DENND4A: variants seen among roughly 807,000 people sequenced by gnomAD.
DENND4A encodes DENN domain containing 4A.
DENND4A carries 70 observed loss-of-function variants against 199.3 expected under a neutral mutation model. The observed-to-expected ratio is 0.35, with a 90% confidence interval of 0.29 to 0.43. The LOEUF (loss-of-function observed/expected upper bound fraction) is 0.43, where lower values mean the gene tolerates loss of function less well. Among genes scored for constraint, DENND4A ranks in the 20% least tolerant of loss-of-function variants. The pLI, the probability that DENND4A is intolerant of heterozygous loss-of-function variation, is 1.00. For synonymous variants in DENND4A, 686 were observed against 766.9 expected, an observed-to-expected ratio of 0.89 and a Z score of 1.74; for missense variants, 1,723 against 2,255.8, an observed-to-expected ratio of 0.76 and a Z score of 4.78.
rs138836303 is a variant in DENND4A, at chr15:65,743,418, G to A, written c.562-1634C>T. Among the ~76,000 whole-genome samples the A allele has an allele frequency of 1.3e-3, 195 of 152,228 alleles. 1 individual carries two copies. The highest frequency in any genetic ancestry group is 4.6e-3 in the African/African-American group (192 of 41,528). On this transcript the variant is annotated intron_variant, in intron 4 of 32. Coordinates refer to ENST00000443035, the MANE Select transcript of DENND4A (RefSeq NM_001320835.1). Reference sequence around the variant, plus strand: ...TATATTTCAAACATTCTTTGCCTGTGATATCTGAATGATTAACTTCCTTAC... The same window carrying A: ...TATATTTCAAACATTCTTTGCCTGTAATATCTGAATGATTAACTTCCTTAC...
intron 14 of DENND4A, among the ~76,000 whole-genome samples, chr15:65,710,097 A>T (rs1440763685): frequency 6.6e-6 from 1 of 152,212 alleles, no homozygotes; most frequent in Non-Finnish European, 1.5e-5. Context: ...CCTAGACAAC[A>T]TAATGTATTA....
Position 65,660,440 on chromosome 15 carries a change from C to G in DENND4A, c.*1411G>C. 1 of 669,412 alleles carries G rather than the reference C, an allele frequency of 1.5e-6. No individual in the cohort carries two copies. Among genetic ancestry groups the G allele is most frequent in the Non-Finnish European group, 2.5e-6 (1 of 406,538 alleles). The allele number at this position is 669,412 out of a possible 1,614,324, so 41.5% of individuals were successfully genotyped here. On this transcript the variant is annotated 3_prime_UTR_variant, in exon 33 of 33. Transcript: ENST00000443035. The stretch of plus-strand genomic sequence containing the variant: ...CTGGCTTTATACACCTAATTTGGGA[C>G]TATCCATTTTTTCCTTCTTTAAAGC...
chr15:65,702,576 G>A (rs2074912210), intron 16 of DENND4A, 65 bp from the exon 17 acceptor site: 1 of 1,296,112 alleles, frequency 7.7e-7, no homozygotes, highest in Non-Finnish European at 1.1e-6. Flanking sequence ...TTAACTGAGT[G>A]CTAAACAAGT....
chr15:65,737,402 T>C (rs939142193), intron 7 of DENND4A, among the ~76,000 whole-genome samples: 22 of 152,262 alleles, frequency 1.4e-4, no homozygotes, highest in African/African-American at 5.1e-4. Context: ...ATTTAAATTA[T>C]ATGTAAAATA....
chr15:65,759,478 GA>G (rs200373324), intron 2 of DENND4A, among the ~76,000 whole-genome samples: 8 of 149,246 alleles, frequency 5.4e-5, no homozygotes, highest in African/African-American at 1.7e-4. Context: ...ACTCCATCTG[GA>G]AAAAAAAAGG....
chr15:65,728,425 A>C (rs1207180948), intron 11 of DENND4A, among the ~76,000 whole-genome samples: 1 of 151,722 alleles, frequency 6.6e-6, no homozygotes, highest in Admixed American at 6.6e-5. Context: ...AGGGAAATAA[A>C]CTTTTTCTAT....
At chr15:65,731,875 C>T (rs1378716461) in intron 8 of DENND4A, among the ~76,000 whole-genome samples, 175 bp from the exon 9 acceptor site, 1 of 152,062 alleles carries the variant, frequency 6.6e-6, no homozygotes. Context: ...TGTCCTGACC[C>T]CTTTCAACTA....
intron 1 of DENND4A, among the ~76,000 whole-genome samples, chr15:65,768,346 C>T (rs2077037876): frequency 6.6e-6 from 1 of 151,922 alleles, no homozygotes; most frequent in African/African-American, 2.4e-5. Flanking sequence ...TGTTCTTTTA[C>T]TTTTTAAAAT....
rs530651006 is a variant in DENND4A at position 65,768,285 on chromosome 15, G to A, written c.-101-6847C>T. On this transcript the variant is annotated intron_variant, in intron 1 of 32. Coordinates refer to ENST00000443035, the MANE Select transcript of DENND4A (RefSeq NM_001320835.1). Reference sequence around the variant, plus strand: ...GCCCGTGCCGGCATCCCAAAGTGTTGGAATAACAAGCATGAGCTACTGCAC... The same window carrying A: ...GCCCGTGCCGGCATCCCAAAGTGTTAGAATAACAAGCATGAGCTACTGCAC... Among the ~76,000 whole-genome samples the A allele has an allele frequency of 8.6e-4, 131 of 152,172 alleles. No individual in the cohort carries two copies. In the Middle Eastern group the frequency reaches 0.01, roughly 12 times the overall value.
chr15:65,778,355 C>T (rs2572207), intron 1 of DENND4A, among the ~76,000 whole-genome samples: 46,525 of 147,154 alleles, frequency 0.32, 8,117 homozygotes, highest in East Asian at 0.78. Flanking sequence ...CAAAGTAACA[C>T]TGTATAGTTT....
chr15:65,738,968 T>C, intron 5 of DENND4A, 93 bp from the exon 6 acceptor site: 1 of 955,346 alleles, frequency 1.0e-6, no homozygotes, highest in South Asian at 2.1e-5. Flanking sequence ...ATTTCACACA[T>C]TTGGAATGCC....
intron 25 of DENND4A, among the ~76,000 whole-genome samples, 183 bp downstream of exon 25, chr15:65,671,609 C>T (rs569227642): frequency 4.6e-5 from 7 of 152,144 alleles, no homozygotes; most frequent in Non-Finnish European, 8.8e-5. Context: ...AGGCTGGCCT[C>T]GAACCCCTGA....
At chr15:65,791,777 C>T (rs955109023) in intron 1 of DENND4A, among the ~76,000 whole-genome samples, 3 of 152,266 alleles carry the variant, frequency 2.0e-5, no homozygotes, top group Non-Finnish European at 4.4e-5. Flanking sequence ...AGGAGCCCCC[C>T]ACGCGTCCGA....
intron 14 of DENND4A, among the ~76,000 whole-genome samples, chr15:65,713,354 G>A (rs2075302162): frequency 6.6e-6 from 1 of 152,110 alleles, no homozygotes; most frequent in Non-Finnish European, 1.5e-5. Flanking sequence ...ATACATTTTT[G>A]CAGGAATATT....
chr15:65,791,782 G>A (rs369439264), intron 1 of DENND4A, among the ~76,000 whole-genome samples: 2 of 151,826 alleles, frequency 1.3e-5, no homozygotes, highest in South Asian at 2.1e-4. Context: ...CCCCCCACGC[G>A]TCCGACGCAG....
chr15:65,719,247 A>T (rs1483820965), intron 12 of DENND4A: 1 of 152,272 alleles, frequency 6.6e-6, no homozygotes, highest in African/African-American at 2.4e-5. Flanking sequence ...ACAGACTTTT[A>T]AAAAAAGGGA....
At chr15:65,674,733 TAAAA>T (rs139568543) in intron 24 of DENND4A, among the ~76,000 whole-genome samples, 1 of 133,554 alleles carries the variant, frequency 7.5e-6, no homozygotes. Context: ...GACCCTATCT[TAAAA>T]AAAAAAAAAA....
chr15:65,680,546 G>A (rs969617376), intron 23 of DENND4A: 1 of 152,252 alleles, frequency 6.6e-6, no homozygotes, highest in East Asian at 1.9e-4. Flanking sequence ...GATTATGCAT[G>A]TTTGAGTAGA....
chr15:65,689,631 C>T (rs547518818), intron 23 of DENND4A, among the ~76,000 whole-genome samples: 111 of 152,302 alleles, frequency 7.3e-4, no homozygotes, highest in African/African-American at 2.5e-3. Flanking sequence ...GCTCCTGAAT[C>T]GAGCTATTAT....
Sources: gnomAD v4.1 joint callset for allele counts (sites outside exome capture counted in the v4.1 genomes callset) on GRCh38, gnomAD v4.1.1 for gene constraint, MANE v1.5 for transcripts, NCBI Gene and HGNC (gene_info 2026-07-23, HGNC 2026-07-21) for gene names.